PTPRR: variants seen among roughly 807,000 people sequenced by gnomAD.
PTPRR encodes the protein receptor-type tyrosine-protein phosphatase R.
In PTPRR, 38 loss-of-function variants were observed where a neutral mutation model predicts 77.2. The observed-to-expected ratio is 0.49, with a 90% CI of 0.38 to 0.65. PTPRR has a LOEUF of 0.65. PTPRR is among the 30% of genes least tolerant of loss of function. The pLI is 0.00. For missense variants in PTPRR, 744 were observed against 799.2 expected (o/e 0.93, Z 0.83); for synonymous variants, 299 against 283.1 (o/e 1.06, Z -0.57).
At chr12:70,785,196 T>C (rs1044203911) in intron 2 of PTPRR, among the ~76,000 whole-genome samples, 5 of 152,204 alleles carry the variant, frequency 3.3e-5, no homozygotes, top group Admixed American at 3.3e-4. Context: ...ATTAAATTCA[T>C]ATTCATCTTT....
intron 2 of PTPRR, among the ~76,000 whole-genome samples, chr12:70,798,991 G>A (rs1340792714): frequency 6.6e-6 from 1 of 152,060 alleles, no homozygotes. Context: ...AATAAAAAGT[G>A]TAAAGAAATA....
chr12:70,679,224 T>G lies in PTPRR; in HGVS notation c.1497+4903A>C, dbSNP rs141557458. ...TTGTTTAATTTTCATTAAACAATAT[T>G]TGTAAAGTTTCTGAATTTCTTCCTG... is the stretch of plus-strand genomic sequence containing the variant. On this transcript the variant is annotated intron_variant, in intron 10 of 13. Transcript: ENST00000283228. Among the ~76,000 whole-genome samples the G allele has an allele frequency of 4.7e-3, 721 of 152,338 alleles. 2 individuals are homozygous for G. The highest frequency in any genetic ancestry group is 6.8e-3 in the Non-Finnish European group (465 of 68,034).
intron 10 of PTPRR, among the ~76,000 whole-genome samples, chr12:70,681,742 C>G (rs1031327400): frequency 6.6e-6 from 1 of 152,170 alleles, no homozygotes; most frequent in African/African-American, 2.4e-5. Flanking sequence ...AGTCGGCTCT[C>G]TTGCTTTGCC....
intron 7 of PTPRR, among the ~76,000 whole-genome samples, chr12:70,698,622 C>T (rs1888315861): frequency 6.6e-6 from 1 of 152,104 alleles, no homozygotes; most frequent in African/African-American, 2.4e-5. Context: ...TTTTAAGAAT[C>T]CTGCTGTGAC....
chr12:70,645,168 A>T (rs565780363), intron 13 of PTPRR, among the ~76,000 whole-genome samples: 295 of 152,292 alleles, frequency 1.9e-3, no homozygotes, highest in Non-Finnish European at 3.4e-3. Context: ...CCCAGCTTTG[A>T]CCAGGGAAGT....
chr12:70,669,478 ATG>A (rs1213257816), intron 10 of PTPRR, among the ~76,000 whole-genome samples: 18 of 146,174 alleles, frequency 1.2e-4, no homozygotes, highest in Non-Finnish European at 1.5e-4. Context: ...CACACAAGCT[ATG>A]TGTGTGTGTG....
chr12:70,674,762 G>T (rs1366451377), intron 10 of PTPRR, among the ~76,000 whole-genome samples: 5 of 151,990 alleles, frequency 3.3e-5, no homozygotes, highest in Non-Finnish European at 5.9e-5. Flanking sequence ...TTGAATAAAG[G>T]TTATGTATAA....
chr12:70,819,107 G>T (rs765728644), intron 2 of PTPRR, among the ~76,000 whole-genome samples: 8 of 152,178 alleles, frequency 5.3e-5, no homozygotes, highest in Admixed American at 1.3e-4. Flanking sequence ...GATCACTTGA[G>T]ATCGGGAGTT....
At chr12:70,697,398 A>AT (rs34408383) in intron 8 of PTPRR, among the ~76,000 whole-genome samples, 4 of 151,670 alleles carry the variant, frequency 2.6e-5, no homozygotes, top group African/African-American at 4.9e-5. Flanking sequence ...TCTTTTGTCC[A>AT]TTTTTTGGGT....
At chr12:70,915,183 G>T (rs192406407) in intron 1 of PTPRR, among the ~76,000 whole-genome samples, 28 of 152,142 alleles carry the variant, frequency 1.8e-4, no homozygotes, top group South Asian at 8.3e-4. Context: ...TCAGAAAGGG[G>T]TCAAAATATA....
In PTPRR at chr12:70,685,662, G is replaced by GAAACA. The variant is rs147345897; in HGVS notation, c.1280-884_1280-880dup. ...GAGAGCCTGTCTCAAAAACAAAAAC[G>GAAACA]AAACAAAACAAAACAAAACAAAAAA... is the stretch of plus-strand genomic sequence containing the variant. On this transcript the variant is annotated intron_variant, in intron 8 of 13. Transcript: ENST00000283228. Among the ~76,000 whole-genome samples, 101 of 151,570 alleles carry GAAACA rather than the reference G, an allele frequency of 6.7e-4. 1 individual carries two copies. In the East Asian group the frequency reaches 0.017, roughly 25 times the overall value.
chr12:70,788,170 A>C (rs984085086), intron 2 of PTPRR, among the ~76,000 whole-genome samples: 4 of 152,222 alleles, frequency 2.6e-5, no homozygotes, highest in African/African-American at 9.6e-5. Flanking sequence ...AACATTAAAG[A>C]GTAAGGTTCT....
chr12:70,920,297 T>C (rs374811561), intron 1 of PTPRR, 36 bp downstream of exon 1: 10 of 1,598,576 alleles, frequency 6.3e-6, no homozygotes, highest in Non-Finnish European at 8.6e-6. Context: ...TCCCATCTCA[T>C]GCACAGCTCC....
intron 2 of PTPRR, among the ~76,000 whole-genome samples, chr12:70,841,587 A>G (rs1892398396): frequency 6.6e-6 from 1 of 152,194 alleles, no homozygotes; most frequent in Non-Finnish European, 1.5e-5. Flanking sequence ...GTAAAGTAAG[A>G]AAACTTTTTT....
chr12:70,780,497 GA>G (rs2136996939), intron 2 of PTPRR, among the ~76,000 whole-genome samples: 1 of 152,110 alleles, frequency 6.6e-6, no homozygotes, highest in Non-Finnish European at 1.5e-5. Context: ...TTTATTTTGG[GA>G]TAATCATGTA....
intron 2 of PTPRR, among the ~76,000 whole-genome samples, chr12:70,773,032 G>A (rs971652186): frequency 6.6e-6 from 1 of 151,798 alleles, no homozygotes; most frequent in Non-Finnish European, 1.5e-5. Flanking sequence ...GCAATCCTTG[G>A]GATTCCTTGG....
intron 2 of PTPRR, among the ~76,000 whole-genome samples, chr12:70,846,399 C>T (rs1045453615): frequency 7.9e-5 from 12 of 152,112 alleles, no homozygotes; most frequent in African/African-American, 2.4e-4. Context: ...GAGCCCTGAA[C>T]GTAGGTACCT....
At chr12:70,785,109 T>C (rs1592756346) in intron 2 of PTPRR, among the ~76,000 whole-genome samples, 2 of 152,250 alleles carry the variant, frequency 1.3e-5, no homozygotes. Context: ...CTCTCCATCC[T>C]GTCCCTTCAC....
chr12:70,773,824 A>G (rs1891033948), intron 2 of PTPRR, among the ~76,000 whole-genome samples: 1 of 152,206 alleles, frequency 6.6e-6, no homozygotes. Context: ...TATTTTCTGT[A>G]TTTTTAATAG....
Sources: gnomAD v4.1 joint callset for allele counts (sites outside exome capture counted in the v4.1 genomes callset) on GRCh38, gnomAD v4.1.1 for gene constraint, MANE v1.5 for transcripts, NCBI Gene and HGNC (gene_info 2026-07-23, HGNC 2026-07-21) for gene names.